Variants in EXPH5 observed in about 807,000 individuals in gnomAD.
EXPH5 encodes the protein exophilin 5, also known as exophilin-5.
EXPH5 carries 42 observed loss-of-function variants against 41.1 expected under a neutral mutation model. The observed-to-expected ratio is 1.02, with a 90% CI of 0.80 to 1.32. The LOEUF (loss-of-function observed/expected upper bound fraction) is 1.32, where lower values mean the gene tolerates loss of function less well. EXPH5 is among the 40% of genes most tolerant of loss of function. The probability of loss-of-function intolerance (pLI) is 0.00; values close to 1 mark genes in which losing one functional copy is unlikely to be tolerated. For synonymous variants in EXPH5, 798 were observed against 833.5 expected, an observed-to-expected ratio of 0.96 and a Z score of 0.73; for missense variants, 2,298 against 2,314.5, an observed-to-expected ratio of 0.99 and a Z score of 0.15.
chr11:108,545,901 T>TA (rs1004788222), intron 1 of EXPH5, among the ~76,000 whole-genome samples: 109 of 139,182 alleles, frequency 7.8e-4, no homozygotes, highest in East Asian at 1.2e-3. Flanking sequence ...AGATTTTGTC[T>TA]AAAAAAAAAA....
In EXPH5 at chr11:108,541,683, T is replaced by A. The variant is rs780139975; in HGVS notation, c.249A>T (p.Thr83=). Residue 83 remains threonine (T), a synonymous_variant, in exon 2 of 6, where the codon ACA becomes ACT. Coordinates refer to ENST00000265843, the MANE Select transcript of EXPH5 (RefSeq NM_015065.3). The stretch of plus-strand genomic sequence containing the variant: ...TTGCCATCTCCTTACTTAGCCTGTA[T>A]GTAAGTGGTTGTTTTAACATTTGGC... ...DVSQMLKQPL[T]YRLSKEMAKN... is the part of the protein sequence containing the mutation. The A allele has an allele frequency of 6.2e-7, 1 of 1,609,360 alleles. No homozygotes were observed. The highest frequency in any genetic ancestry group is 8.5e-7 in the Non-Finnish European group (1 of 1,178,392).
At chr11:108,603,793 A>G in the EXPH5 span, among the ~76,000 whole-genome samples, 3 of 152,206 alleles carry the variant, frequency 2.0e-5, no homozygotes, top group South Asian at 6.2e-4. Flanking sequence ...AACAAATATG[A>G]CCTCCACCTG....
intron 1 of EXPH5, among the ~76,000 whole-genome samples, chr11:108,553,226 A>G (rs1015600264): frequency 6.6e-6 from 1 of 152,116 alleles, no homozygotes; most frequent in Non-Finnish European, 1.5e-5. Flanking sequence ...TAAATTGACC[A>G]TTGTAACCCT....
At chr11:108,576,471 G>T (rs2094080048) in intron 1 of EXPH5, among the ~76,000 whole-genome samples, 1 of 152,048 alleles carries the variant, frequency 6.6e-6, no homozygotes, top group African/African-American at 2.4e-5. Context: ...GATAGAGGGG[G>T]TGATTGTACA....
chr11:108,537,243 T>A (rs2136018243), intron 3 of EXPH5, among the ~76,000 whole-genome samples: 1 of 151,880 alleles, frequency 6.6e-6, no homozygotes, highest in East Asian at 2.0e-4. Flanking sequence ...CATTCAAATT[T>A]AAAAATAAAA....
intron 1 of EXPH5, among the ~76,000 whole-genome samples, chr11:108,587,487 T>C (rs1255715312): frequency 6.6e-6 from 1 of 152,230 alleles, no homozygotes; most frequent in Non-Finnish European, 1.5e-5. Flanking sequence ...TCTCCATCCC[T>C]GAAATAATCC....
At chr11:108,595,501 C>T (rs2094137585), upstream of EXPH5, among the ~76,000 whole-genome samples, 1 of 152,164 alleles carries the variant, frequency 6.6e-6, no homozygotes, top group African/African-American at 2.4e-5. Context: ...ATTCCCTCAA[C>T]CTCTTTAATG....
the EXPH5 span, among the ~76,000 whole-genome samples, chr11:108,606,677 C>A: frequency 6.6e-6 from 1 of 152,186 alleles, no homozygotes; most frequent in Admixed American, 6.5e-5. Flanking sequence ...AACCCTTCCC[C>A]TTATGATTCA....
rs2093646473 is a variant in EXPH5 at position 108,506,849 on chromosome 11, G to A, written c.*2688C>T. On this transcript the variant is annotated 3_prime_UTR_variant, in exon 6 of 6. Coordinates refer to ENST00000265843, the MANE Select transcript of EXPH5 (RefSeq NM_015065.3). ...CTGCTAAAAATACAAAAATTAGCTG[G>A]GCGTGGTGGTGGGCACCTGTAATCC... The A allele has an allele frequency of 6.6e-6, 1 of 152,098 alleles. No homozygotes were observed. The highest frequency in any genetic ancestry group is 1.5e-5 in the Non-Finnish European group (1 of 68,044). 9.4% of individuals were successfully genotyped at this position (152,098 alleles called of 1,614,324 possible).
chr11:108,590,312 G>A (rs1366533765), intron 1 of EXPH5, among the ~76,000 whole-genome samples: 1 of 151,910 alleles, frequency 6.6e-6, no homozygotes, highest in Non-Finnish European at 1.5e-5. Context: ...TTTCCCATCT[G>A]TTATGTTTAC....
intron 1 of EXPH5, 63 bp downstream of exon 1, chr11:108,593,355 C>A: frequency 6.8e-6 from 10 of 1,468,976 alleles, no homozygotes; most frequent in Non-Finnish European, 8.5e-6. Context: ...AGCGCCTTCC[C>A]CGCGGATCCC....
At position 108,511,069 on chromosome 11, in the gene EXPH5, G is replaced by A. The variant is rs2093677024; in HGVS notation, c.4438C>T (p.Gln1480Ter). ...TAVGDGSSGS[Q>*]PREGRGDIGT... ...ATGTCCCCTCTGCCTTCCCTAGGCT[G>A]TGATCCACTGGAGCCATCACCTACA... Residue 1480 changes from glutamine to a stop codon, truncating the protein, a stop_gained, in exon 6 of 6, where the codon CAG (glutamine) becomes TAG (stop). Coordinates refer to ENST00000265843, the MANE Select transcript of EXPH5 (RefSeq NM_015065.3). LOFTEE classifies it low-confidence loss of function (END_TRUNC). 2 of 1,614,150 alleles carry A rather than the reference G, an allele frequency of 1.2e-6. No individual in the cohort carries two copies. Among genetic ancestry groups the A allele is most frequent in the East Asian group, 4.5e-5 (2 of 44,884 alleles).
chr11:108,591,867 G>T (rs1591765107), intron 1 of EXPH5, among the ~76,000 whole-genome samples: 2 of 152,138 alleles, frequency 1.3e-5, no homozygotes, highest in South Asian at 2.1e-4. Flanking sequence ...TTAAATGAAA[G>T]CTTCTCTCCT....
At chr11:108,585,233 A>T (rs2094109771) in intron 1 of EXPH5, among the ~76,000 whole-genome samples, 1 of 152,196 alleles carries the variant, frequency 6.6e-6, no homozygotes, top group Admixed American at 6.5e-5. Context: ...TGGTTAAAAT[A>T]AAAAAATATT....
In EXPH5 at chr11:108,509,826, T is replaced by C. The variant is rs1200580791; in HGVS notation, c.5681A>G (p.Gln1894Arg). 4 of 1,613,604 alleles carry C rather than the reference T, an allele frequency of 2.5e-6. No individual in the cohort carries two copies. Among genetic ancestry groups the C allele is most frequent in the Non-Finnish European group, 3.4e-6 (4 of 1,179,916 alleles). ...IDYGIFGKEQQLAFLENVKRS... is the reference protein window; with the variant it reads ...IDYGIFGKEQRLAFLENVKRS... ...CTTTACATTTTCTAAGAAAGCTAAC[T>C]GTTGTTCTTTCCCAAAGATCCCATA... The change falls in exon 6 of 6, where the codon CAG becomes CGG. Residue 1894 changes from glutamine (Q) to arginine (R), a missense_variant. Transcript: ENST00000265843.
intron 1 of EXPH5, among the ~76,000 whole-genome samples, chr11:108,569,165 T>C (rs73550531): frequency 0.042 from 6,452 of 152,208 alleles, 215 homozygotes; most frequent in African/African-American, 0.095. Context: ...CCACTTGCTG[T>C]TCACTTCACC....
chr11:108,584,412 A>G (rs2094107490), intron 1 of EXPH5, among the ~76,000 whole-genome samples: 1 of 151,918 alleles, frequency 6.6e-6, no homozygotes, highest in Non-Finnish European at 1.5e-5. Flanking sequence ...CAGGAGGTGG[A>G]GGTTGCATTG....
At chr11:108,532,620 A>G (rs1300695733) in intron 3 of EXPH5, among the ~76,000 whole-genome samples, 1 of 151,802 alleles carries the variant, frequency 6.6e-6, no homozygotes, top group Non-Finnish European at 1.5e-5. Flanking sequence ...AAGGCTAGCC[A>G]ATAAAAACTT....
rs1426445917 is a variant in EXPH5, at chr11:108,506,491, T to C, written c.*3046A>G. ...CACCCTTACCTAACTTACCTAACTC[T>C]TAATATAGCCTAAACTCACTGAAAA... On this transcript the variant is annotated 3_prime_UTR_variant, in exon 6 of 6. Coordinates refer to ENST00000265843, the MANE Select transcript of EXPH5 (RefSeq NM_015065.3). The C allele has an allele frequency of 6.6e-6, 1 of 152,164 alleles. No individual in the cohort carries two copies. Among genetic ancestry groups the C allele is most frequent in the East Asian group, 1.9e-4 (1 of 5,198 alleles). The allele number at this position is 152,164 out of a possible 1,614,324, so 9.4% of individuals were successfully genotyped here.
Sources: gnomAD v4.1 joint callset for allele counts (sites outside exome capture counted in the v4.1 genomes callset) on GRCh38, gnomAD v4.1.1 for gene constraint, MANE v1.5 for transcripts, NCBI Gene and HGNC (gene_info 2026-07-23, HGNC 2026-07-21) for gene names.